The following HECW1 variants were observed in gnomAD, a reference collection of about 807,000 sequenced individuals.
HECW1 encodes E3 ubiquitin-protein ligase HECW1.
A neutral mutation model predicts 182.3 loss-of-function variants in HECW1; 61 were observed. The observed-to-expected ratio is 0.33, with a 90% CI of 0.27 to 0.41. The LOEUF is 0.41. HECW1 is among the 10% of genes least tolerant of loss of function. The pLI is 1.00. For missense variants in HECW1, 1,739 were observed against 2,108.9 expected (o/e 0.82, Z 3.44); for synonymous variants, 859 against 832.6 (o/e 1.03, Z -0.55).
intron 2 of HECW1, among the ~76,000 whole-genome samples, chr7:43,178,547 C>T (rs1288484429): frequency 6.6e-6 from 1 of 152,224 alleles, no homozygotes; most frequent in Non-Finnish European, 1.5e-5. Context: ...TGTAAAGCTG[C>T]TGCTTTCTAT....
At chr7:43,546,616 CA>C (rs3037095) in intron 26 of HECW1, among the ~76,000 whole-genome samples, 2,874 of 136,440 alleles carry the variant, frequency 0.021, 81 homozygotes, top group African/African-American at 0.075. Context: ...TGTCCAATAT[CA>C]AAAAAAAAAA....
chr7:43,470,305 C>A (rs2077967170), intron 16 of HECW1, among the ~76,000 whole-genome samples: 1 of 152,116 alleles, frequency 6.6e-6, no homozygotes, highest in African/African-American at 2.4e-5. Context: ...TTTCGGGTAG[C>A]CACGTTTACA....
At chr7:43,309,212 G>T (rs1347877169) in intron 3 of HECW1, among the ~76,000 whole-genome samples, 3 of 152,158 alleles carry the variant, frequency 2.0e-5, no homozygotes, top group Non-Finnish European at 4.4e-5. Context: ...TTACAGCAGA[G>T]TTGGTGCTGG....
intron 17 of HECW1, 144 bp from the exon 18 acceptor site, chr7:43,491,931 G>A: frequency 3.2e-6 from 2 of 628,244 alleles, no homozygotes; most frequent in East Asian, 2.8e-5. Context: ...AGACACTTTT[G>A]TAAGCTTTCT....
Position 43,398,844 on chromosome 7 carries a change from G to A in HECW1, c.631+1955G>A, listed in dbSNP as rs138271225. On this transcript the variant is annotated intron_variant, in intron 7 of 29. Transcript: ENST00000395891. ...TTGGTGAGTAGGGGCCAGTTAGTCA[G>A]GAGTGCTGATTGGTTGGGTTGAAGA... Among the ~76,000 whole-genome samples, 263 of 152,280 alleles carry A rather than the reference G, an allele frequency of 1.7e-3. 2 individuals are homozygous for A. The highest frequency in any genetic ancestry group is 6.8e-3 in the Middle Eastern group (2 of 294).
intron 2 of HECW1, among the ~76,000 whole-genome samples, chr7:43,197,729 A>T (rs1247784273): frequency 1.3e-5 from 2 of 151,766 alleles, no homozygotes; most frequent in African/African-American, 4.8e-5. Context: ...CAGGTGGGGG[A>T]CTCTGACGAA....
rs148956545 is a variant in HECW1 at position 43,282,407 on chromosome 7, A to T, written c.28-29356A>T. 6.7e-4 allele frequency among the ~76,000 whole-genome samples: 102 copies of T among 152,350 alleles called. 1 individual carries two copies. The highest frequency in any genetic ancestry group is 2.4e-3 in the African/African-American group (99 of 41,576). ...GACAGGAGCTGGCGACAAGGGTCAG[A>T]TCTGCCTTCTGTAAAGTCGTTTCCA... On this transcript the variant is annotated intron_variant, in intron 3 of 29. Coordinates refer to ENST00000395891, the MANE Select transcript of HECW1 (RefSeq NM_015052.5).
At chr7:43,360,849 C>A (rs1449485942) in intron 5 of HECW1, 37 bp from the exon 6 acceptor site, 2 of 1,488,594 alleles carry the variant, frequency 1.3e-6, no homozygotes, top group Admixed American at 1.7e-5. Context: ...CTGGGTTACA[C>A]CCTACTTCTC....
At chr7:43,180,371 T>A (rs1792717181) in intron 2 of HECW1, among the ~76,000 whole-genome samples, 1 of 139,768 alleles carries the variant, frequency 7.2e-6, no homozygotes, top group Non-Finnish European at 1.6e-5. Flanking sequence ...TTCTAAGTTT[T>A]ATTTTATTAT....
intron 14 of HECW1, 125 bp downstream of exon 14, chr7:43,463,924 G>C (rs1030415542): frequency 4.9e-5 from 54 of 1,112,152 alleles, no homozygotes; most frequent in Non-Finnish European, 5.7e-5. Flanking sequence ...TGGAAGTCCA[G>C]GGTGGAGGAC....
intron 5 of HECW1, among the ~76,000 whole-genome samples, chr7:43,352,952 TG>T (rs797021271): frequency 3.3e-5 from 5 of 151,880 alleles, no homozygotes; most frequent in South Asian, 2.1e-4. Context: ...TGTAGGAAGG[TG>T]GGGGGGCAGG....
intron 24 of HECW1, among the ~76,000 whole-genome samples, chr7:43,533,218 G>A (rs537510943): frequency 6.6e-6 from 1 of 152,178 alleles, no homozygotes; most frequent in East Asian, 1.9e-4. Context: ...CTGAGGCTGA[G>A]GAACCAACTC....
chr7:43,357,697 TATA>T (rs769110972), intron 5 of HECW1, among the ~76,000 whole-genome samples: 33 of 151,782 alleles, frequency 2.2e-4, no homozygotes, highest in Non-Finnish European at 4.6e-4. Flanking sequence ...ATTTGTAATT[TATA>T]ATATGTTTTT....
At chr7:43,188,868 G>T (rs886935574) in intron 2 of HECW1, among the ~76,000 whole-genome samples, 3 of 152,050 alleles carry the variant, frequency 2.0e-5, no homozygotes, top group Non-Finnish European at 4.4e-5. Context: ...TTGTCATTGG[G>T]GTTAGAAACA....
intron 6 of HECW1, among the ~76,000 whole-genome samples, chr7:43,375,704 G>T (rs1219584544): frequency 2.6e-5 from 4 of 151,814 alleles, no homozygotes; most frequent in Non-Finnish European, 5.9e-5. Flanking sequence ...GCCAGCCTGG[G>T]CAACATGGCA....
chr7:43,237,977 C>T (rs1284508230), intron 2 of HECW1, among the ~76,000 whole-genome samples: 3 of 152,156 alleles, frequency 2.0e-5, no homozygotes, highest in African/African-American at 7.2e-5. Context: ...AAGCCTGTAT[C>T]CTTTGCATAA....
intron 25 of HECW1, 80 bp from the exon 26 acceptor site, chr7:43,541,789 G>C (rs2081372270): frequency 4.7e-6 from 6 of 1,272,052 alleles, no homozygotes; most frequent in Non-Finnish European, 6.1e-6. Flanking sequence ...TTTTAGCCAG[G>C]AATGATATAA....
At chr7:43,508,741 G>A (rs2079712862) in intron 23 of HECW1, 2 of 543,226 alleles carry the variant, frequency 3.7e-6, no homozygotes, top group Non-Finnish European at 6.5e-6. Context: ...GCTGCCATAA[G>A]AGTTTATTCA....
intron 2 of HECW1, among the ~76,000 whole-genome samples, chr7:43,225,327 T>C (rs1797329590): frequency 6.6e-6 from 1 of 152,172 alleles, no homozygotes; most frequent in African/African-American, 2.4e-5. Context: ...AACTCTTCCC[T>C]TCCCTTTGGT....
Sources: gnomAD v4.1 joint callset for allele counts (sites outside exome capture counted in the v4.1 genomes callset) on GRCh38, gnomAD v4.1.1 for gene constraint, MANE v1.5 for transcripts, NCBI Gene and HGNC (gene_info 2026-07-23, HGNC 2026-07-21) for gene names.